Variants in DSE observed in about 807,000 individuals in gnomAD.
The protein encoded by DSE is dermatan sulfate epimerase.
Under a neutral mutation model 84.4 loss-of-function variants are expected in DSE, and 36 were observed. The observed-to-expected ratio is 0.43, with a 90% CI of 0.33 to 0.56. The LOEUF is 0.56. Among genes scored for constraint, DSE ranks in the 20% least tolerant of loss-of-function variants. DSE has a pLI of 0.06. For missense variants in DSE, 862 were observed against 1,169.6 expected (o/e 0.74, Z 3.84); for synonymous variants, 410 against 430.1 (o/e 0.95, Z 0.58).
At chr6:116,255,331 C>T (rs1258516105) in intron 1 of DSE, 1 of 152,160 alleles carries the variant, frequency 6.6e-6, no homozygotes, top group Non-Finnish European at 1.5e-5. Flanking sequence ...ACTGAGACTT[C>T]TAGCGAGGGA....
chr6:116,421,666 CA>C (rs1345730753), intron 2 of DSE, among the ~76,000 whole-genome samples: 1 of 151,316 alleles, frequency 6.6e-6, no homozygotes, highest in African/African-American at 2.4e-5. Context: ...TGTGTACAGA[CA>C]GTTTTGCTAT....
At chr6:116,276,322 T>C (rs974423870) in intron 2 of DSE, among the ~76,000 whole-genome samples, 1 of 152,218 alleles carries the variant, frequency 6.6e-6, no homozygotes, top group Non-Finnish European at 1.5e-5. Context: ...AGAGCCTGAA[T>C]AACCTGAGAA....
intron 2 of DSE, among the ~76,000 whole-genome samples, chr6:116,274,853 G>A (rs888066102): frequency 9.9e-5 from 15 of 152,128 alleles, no homozygotes; most frequent in Admixed American, 3.3e-4. Flanking sequence ...GAAGCTTCAG[G>A]AGGAGAAAGT....
At chr6:116,384,567 C>G (rs187737614) in intron 1 of DSE, among the ~76,000 whole-genome samples, 61 of 152,230 alleles carry the variant, frequency 4.0e-4, no homozygotes, top group Non-Finnish European at 7.9e-4. Flanking sequence ...TCAGAGTAAC[C>G]TTTAGAGTTC....
In DSE at chr6:116,283,785, C is replaced by T. The variant is rs369039513; in HGVS notation, c.-54+24818C>T. Among the ~76,000 whole-genome samples the T allele has an allele frequency of 2.3e-3, 343 of 152,234 alleles. 5 individuals are homozygous for T. Among genetic ancestry groups the T allele is most frequent in the African/African-American group, 8.0e-3 (332 of 41,532 alleles). On this transcript the variant is annotated intron_variant, in intron 2 of 3. Transcript: ENST00000430252. ...TCTCGAATTCCCGACCTCAGGTGAT[C>T]CGCCCGCCTCAGCCTCCCAAAGTGC...
intron 3 of DSE, among the ~76,000 whole-genome samples, chr6:116,430,599 T>G (rs1335583359): frequency 6.6e-6 from 1 of 152,134 alleles, no homozygotes; most frequent in Non-Finnish European, 1.5e-5. Context: ...TGGAGTGCAG[T>G]GGCGCGATCT....
At chr6:116,390,162 G>C (rs1289146807) in intron 1 of DSE, among the ~76,000 whole-genome samples, 2 of 151,890 alleles carry the variant, frequency 1.3e-5, no homozygotes, top group Non-Finnish European at 2.9e-5. Context: ...CTGCCACCCA[G>C]CTTCAAGCGA....
rs562072588 is a variant in DSE, at chr6:116,324,774, G to A, written c.-54+65807G>A. Among the ~76,000 whole-genome samples the A allele has an allele frequency of 4.7e-4, 71 of 152,334 alleles. 1 individual carries two copies. The highest frequency in any genetic ancestry group is 7.6e-4 in the Non-Finnish European group (52 of 68,032). ...AACTACTTCTTTCCATTGCATTGAT[G>A]TTCACTGCACTTCTCTGTTCCTTAT... On this transcript the variant is annotated intron_variant, in intron 2 of 3. Transcript: ENST00000430252.
At chr6:116,315,082 C>T (rs912268873) in intron 2 of DSE, among the ~76,000 whole-genome samples, 3 of 152,112 alleles carry the variant, frequency 2.0e-5, no homozygotes, top group Non-Finnish European at 4.4e-5. Flanking sequence ...GCCTGATTCA[C>T]CTCCTAACTC....
At position 116,436,652 on chromosome 6, in the gene DSE, G is replaced by A. The variant is rs150939596; in HGVS notation, c.2184G>A (p.Lys728=). Reference sequence around the variant, plus strand: ...TGTTTGACCGGAATTCAGCCATCAAGAGCAGCATTGTCCCTGAGGTGAAGG... The same window carrying A: ...TGTTTGACCGGAATTCAGCCATCAAAAGCAGCATTGTCCCTGAGGTGAAGG... ...KILFDRNSAI[K]SSIVPEVKDY... The change falls in exon 6 of 6, where the codon AAG becomes AAA. Residue 728 remains lysine (K), a synonymous_variant. Coordinates refer to ENST00000644252, the MANE Select transcript of DSE (RefSeq NM_013352.4). 2.4e-5 allele frequency: 38 copies of A among 1,614,066 alleles called. No individual in the cohort carries two copies. The South Asian group carries it at 3.1e-4, about 13-fold the overall frequency.
At chr6:116,272,513 A>G (rs532320829) in intron 2 of DSE, among the ~76,000 whole-genome samples, 2 of 152,314 alleles carry the variant, frequency 1.3e-5, no homozygotes, top group East Asian at 3.9e-4. Flanking sequence ...CAGGGGGGAA[A>G]CTATGAAATA....
intron 2 of DSE, among the ~76,000 whole-genome samples, chr6:116,357,030 CTTTGCAAAATATGG>C: frequency 6.6e-6 from 1 of 152,270 alleles, no homozygotes; most frequent in South Asian, 2.1e-4. Flanking sequence ...GCCTTAGTAT[CTTTGCAAAATATGG>C]TTCCAAAAAA....
At chr6:116,307,022 T>C (rs569463622) in intron 2 of DSE, among the ~76,000 whole-genome samples, 1 of 152,366 alleles carries the variant, frequency 6.6e-6, no homozygotes, top group Admixed American at 6.5e-5. Context: ...AGCAGACTAA[T>C]ATACCTCCTC....
chr6:116,397,282 C>T (rs1379322250), intron 1 of DSE, among the ~76,000 whole-genome samples: 1 of 145,404 alleles, frequency 6.9e-6, no homozygotes, highest in Non-Finnish European at 1.5e-5. Flanking sequence ...GATCTTGGCT[C>T]ACTGCAACCT....
chr6:116,365,902 G>A (rs139168957), upstream of DSE, among the ~76,000 whole-genome samples: 34 of 152,296 alleles, frequency 2.2e-4, 1 homozygote, highest in East Asian at 4.2e-3. Flanking sequence ...CTTTTAGCAG[G>A]GTTCTGAGAG....
rs777249157 is a variant in DSE at position 116,431,176 on chromosome 6, A to G, written c.893A>G (p.Tyr298Cys). Residue 298 changes from tyrosine (Y) to cysteine (C), a missense_variant, in exon 4 of 6, where the codon TAT becomes TGT. Transcript: ENST00000644252. ...CTTAAACAACACTTTGCATTTATGT[A>G]TAGAACCATCCTGCCAGGTATAGTG... ...PWLKQHFAFM[Y>C]RTILPGFQRT... 6 of 1,614,210 alleles carry G rather than the reference A, an allele frequency of 3.7e-6. No homozygotes were observed. The highest frequency in any genetic ancestry group is 5.1e-6 in the Non-Finnish European group (6 of 1,180,018).
chr6:116,342,712 G>A (rs1777685863), intron 2 of DSE, among the ~76,000 whole-genome samples: 1 of 152,176 alleles, frequency 6.6e-6, no homozygotes. Context: ...GGCCAAATAG[G>A]AATAGCTCCA....
At chr6:116,396,874 G>C (rs1222774242) in intron 1 of DSE, among the ~76,000 whole-genome samples, 2 of 152,118 alleles carry the variant, frequency 1.3e-5, no homozygotes, top group African/African-American at 4.8e-5. Context: ...AGAACATGAT[G>C]AATTAACCTT....
intron 2 of DSE, among the ~76,000 whole-genome samples, chr6:116,308,866 G>T (rs767773257): frequency 6.6e-6 from 1 of 152,022 alleles, no homozygotes; most frequent in Non-Finnish European, 1.5e-5. Flanking sequence ...GGGATTACAG[G>T]TGTGAGCCAC....
Sources: allele counts gnomAD v4.1 joint callset (sites outside exome capture counted in the v4.1 genomes callset), GRCh38; gene constraint gnomAD v4.1.1; transcripts MANE v1.5; gene names NCBI Gene and HGNC (gene_info 2026-07-23, HGNC 2026-07-21).